UNC5C: variants seen among roughly 807,000 people sequenced by gnomAD.
UNC5C encodes unc-5 netrin receptor C.
In UNC5C, 47 loss-of-function variants were observed where a neutral mutation model predicts 99.8. That is an observed-to-expected ratio of 0.47 (90% CI 0.37 to 0.60). UNC5C has a LOEUF of 0.60. Ranked by LOEUF, UNC5C falls within the 20% of genes least tolerant of loss-of-function variation. UNC5C has a pLI of 0.00. For synonymous variants in UNC5C, 487 were observed against 452.2 expected (o/e 1.08, Z -0.98); for missense variants, 1,062 against 1,165.9 (o/e 0.91, Z 1.30).
chr4:95,239,353 T>C (rs1202114914), intron 7 of UNC5C, among the ~76,000 whole-genome samples: 1 of 152,222 alleles, frequency 6.6e-6, no homozygotes, highest in East Asian at 1.9e-4. Flanking sequence ...ACCACTTTTT[T>C]CTATGTCTTC....
intron 1 of UNC5C, among the ~76,000 whole-genome samples, chr4:95,377,595 T>C (rs563625155): frequency 6.6e-6 from 1 of 152,256 alleles, no homozygotes; most frequent in South Asian, 2.1e-4. Context: ...CCTAAGAACA[T>C]GCACTTTGTT....
chr4:95,294,278 A>G (rs1361942060), intron 3 of UNC5C, among the ~76,000 whole-genome samples: 1 of 152,246 alleles, frequency 6.6e-6, no homozygotes, highest in Non-Finnish European at 1.5e-5. Flanking sequence ...ACGAATATGA[A>G]CAAGACTTGA....
intron 1 of UNC5C, among the ~76,000 whole-genome samples, chr4:95,447,377 G>C (rs1330085907): frequency 6.6e-6 from 1 of 152,138 alleles, no homozygotes; most frequent in Admixed American, 6.6e-5. Flanking sequence ...ACTGAGACAA[G>C]GGCCCTGATT....
chr4:95,364,282 AG>A (rs1174393071), intron 1 of UNC5C, among the ~76,000 whole-genome samples: 1 of 152,320 alleles, frequency 6.6e-6, no homozygotes, highest in Non-Finnish European at 1.5e-5. Context: ...GATACTGAAA[AG>A]GAAACCTCTT....
chr4:95,515,772 C>T (rs1237856915), intron 1 of UNC5C, among the ~76,000 whole-genome samples: 3 of 152,166 alleles, frequency 2.0e-5, no homozygotes, highest in South Asian at 2.1e-4. Context: ...AATTTTGGCA[C>T]ACAAACAACA....
Position 95,541,564 on chromosome 4 carries a change from T to A in UNC5C, c.124+7170A>T, listed in dbSNP as rs528879036. Among the ~76,000 whole-genome samples, 16 of 152,316 alleles carry A rather than the reference T, an allele frequency of 1.1e-4. 2 individuals are homozygous for A. The highest frequency in any genetic ancestry group is 3.8e-4 in the African/African-American group (16 of 41,582). On this transcript the variant is annotated intron_variant, in intron 1 of 15. Transcript: ENST00000453304. ...CTTCTATTATCTAAGAGAATGTATT[T>A]TATGAATTAATTTAAAATGATCACT...
intron 1 of UNC5C, among the ~76,000 whole-genome samples, chr4:95,414,806 T>C (rs1488108791): frequency 6.6e-6 from 1 of 152,178 alleles, no homozygotes; most frequent in Non-Finnish European, 1.5e-5. Flanking sequence ...TTCAGGAAAA[T>C]GTCTTTGAAC....
chr4:95,426,892 G>A (rs1746502810), intron 1 of UNC5C, among the ~76,000 whole-genome samples: 1 of 152,338 alleles, frequency 6.6e-6, no homozygotes, highest in East Asian at 1.9e-4. Context: ...AGGTGAAACA[G>A]CAAGTGCTGA....
At chr4:95,330,094 T>C (rs928140962) in intron 2 of UNC5C, among the ~76,000 whole-genome samples, 1 of 152,158 alleles carries the variant, frequency 6.6e-6, no homozygotes, top group African/African-American at 2.4e-5. Flanking sequence ...TGATCTTTAT[T>C]ACATTCTAGG....
chr4:95,278,906 G>A (rs1205213900), intron 3 of UNC5C, among the ~76,000 whole-genome samples: 1 of 152,120 alleles, frequency 6.6e-6, no homozygotes, highest in Non-Finnish European at 1.5e-5. Context: ...GGAAGCCTTT[G>A]GCAGTCCTTA....
chr4:95,357,650 G>C (rs538759363), intron 1 of UNC5C, among the ~76,000 whole-genome samples: 1 of 152,110 alleles, frequency 6.6e-6, no homozygotes, highest in African/African-American at 2.4e-5. Flanking sequence ...GAAATAGCCA[G>C]GTTTGGTGGT....
chr4:95,225,915 C>T (rs1738669038), intron 7 of UNC5C, among the ~76,000 whole-genome samples: 1 of 152,166 alleles, frequency 6.6e-6, no homozygotes, highest in Admixed American at 6.5e-5. Context: ...GGCTGGGAAT[C>T]AGAGAAGAAG....
intron 4 of UNC5C, among the ~76,000 whole-genome samples, chr4:95,253,601 C>T (rs1006410338): frequency 6.6e-6 from 1 of 152,132 alleles, no homozygotes; most frequent in Non-Finnish European, 1.5e-5. Flanking sequence ...CTGCTTTTAT[C>T]TGTTTTCCAT....
At chr4:95,201,750 C>T (rs756364601) in intron 12 of UNC5C, among the ~76,000 whole-genome samples, 5 of 152,102 alleles carry the variant, frequency 3.3e-5, no homozygotes, top group Non-Finnish European at 5.9e-5. Context: ...ACTACAGATG[C>T]CTGCCATCAT....
At chr4:95,443,700 T>C (rs1747015586) in intron 1 of UNC5C, among the ~76,000 whole-genome samples, 1 of 152,318 alleles carries the variant, frequency 6.6e-6, no homozygotes, top group Non-Finnish European at 1.5e-5. Flanking sequence ...ATGATGTTCC[T>C]ATACAGAATT....
At chr4:95,490,613 G>GA (rs554088374) in intron 1 of UNC5C, among the ~76,000 whole-genome samples, 2 of 151,378 alleles carry the variant, frequency 1.3e-5, no homozygotes, top group African/African-American at 4.8e-5. Context: ...AATATAAATG[G>GA]AAAAAAATTA....
rs1479062729 is a variant in UNC5C, at chr4:95,483,038, A to ATAT, written c.124+65695_124+65696insATA. 4.1e-3 allele frequency among the ~76,000 whole-genome samples: 333 copies of ATAT among 81,046 alleles called. 1 individual carries two copies. Among genetic ancestry groups the ATAT allele is most frequent in the Admixed American group, 7.5e-3 (57 of 7,564 alleles). 53.2% of individuals were successfully genotyped at this position (81,046 alleles called of 152,430 possible). A position where few individuals can be genotyped will look rare whatever the true frequency, so the allele number is the denominator to read the frequency against. ...AATAATAATAATAATAATAATAATA[A>ATAT]TAATAAAAACACATGCAGTAATAAA... On this transcript the variant is annotated intron_variant, in intron 1 of 15. Transcript: ENST00000453304.
chr4:95,459,164 A>G (rs1334853935), intron 1 of UNC5C, among the ~76,000 whole-genome samples: 1 of 152,160 alleles, frequency 6.6e-6, no homozygotes, highest in Non-Finnish European at 1.5e-5. Context: ...GATTAGAGGC[A>G]AAAGTACTAC....
At chr4:95,485,484 C>T (rs1430501632) in intron 1 of UNC5C, among the ~76,000 whole-genome samples, 1 of 151,696 alleles carries the variant, frequency 6.6e-6, no homozygotes, top group Admixed American at 6.6e-5. Flanking sequence ...TTATGTAAAC[C>T]ACTTTATAGT....
Sources: allele counts gnomAD v4.1 joint callset (sites outside exome capture counted in the v4.1 genomes callset), GRCh38; gene constraint gnomAD v4.1.1; transcripts MANE v1.5; gene names NCBI Gene and HGNC (gene_info 2026-07-23, HGNC 2026-07-21).